The following TJP2 variants were observed in gnomAD, a reference collection of about 807,000 sequenced individuals.
TJP2 encodes the protein Friedreich ataxia region gene X104 (tight junction protein ZO-2).
Under a neutral mutation model 133.1 loss-of-function variants are expected in TJP2, and 91 were observed. The observed-to-expected ratio is 0.68, with a 90% CI of 0.58 to 0.81. The LOEUF (loss-of-function observed/expected upper bound fraction) is 0.81, where lower values mean the gene tolerates loss of function less well. TJP2 is among the 40% of genes least tolerant of loss of function. The pLI is 0.00. For synonymous variants in TJP2, 592 were observed against 583.4 expected (o/e 1.01, Z -0.21); for missense variants, 1,541 against 1,565.6 (o/e 0.98, Z 0.26).
intron 17 of TJP2, among the ~76,000 whole-genome samples, chr9:69,243,601 T>C (rs2486456): frequency 0.66 from 100,115 of 152,142 alleles, 32,974 homozygotes; most frequent in Admixed American, 0.69. Context: ...ATCTTCAAAG[T>C]ACTCAGTGCA....
At position 69,144,669 on chromosome 9, in the gene TJP2, C is replaced by G. The variant is rs150961773; in HGVS notation, c.-130-6982C>G. Among the ~76,000 whole-genome samples the G allele has an allele frequency of 3.3e-3, 505 of 152,336 alleles. 4 individuals are homozygous for G. Among genetic ancestry groups the G allele is most frequent in the African/African-American group, 0.011 (463 of 41,582 alleles). On this transcript the variant is annotated intron_variant, in intron 1 of 5. Transcript: ENST00000423935. ...ACAGTGGCCTCCGGCATAGCTGGAT[C>G]CAGAAGCTCGAGTGATGTCATGACA...
rs1220121754 is a variant in TJP2 at position 69,142,514 on chromosome 9, C to CA, written c.-130-9130dup. On this transcript the variant is annotated intron_variant, in intron 1 of 5. Coordinates refer to the TJP2 transcript ENST00000423935. ...TTCAGTAGAGCTAAAAAAGCAAAAA[C>CA]AAAAAAATTGCTGTTTCCCTAACTC... Among the ~76,000 whole-genome samples the CA allele has an allele frequency of 5.9e-5, 9 of 152,036 alleles. No homozygotes were observed. The East Asian group carries it at 1.4e-3, about 23-fold the overall frequency.
In TJP2 at chr9:69,216,325, T is replaced by G. The variant is rs1828374963; in HGVS notation, c.115-14T>G. 1 of 1,614,002 alleles carries G rather than the reference T, an allele frequency of 6.2e-7. No individual in the cohort carries two copies. The highest frequency in any genetic ancestry group is 1.3e-5 in the African/African-American group (1 of 74,936). Reference sequence around the variant, plus strand: ...ATTGAAGGATTTTTAATATTTCTCCTCTCTGATGTACAGGATTCCAAAAGA... The same window carrying G: ...ATTGAAGGATTTTTAATATTTCTCCGCTCTGATGTACAGGATTCCAAAAGA... On this transcript the variant is annotated splice_polypyrimidine_tract_variant and intron_variant, in intron 2 of 22. Coordinates refer to ENST00000377245, the MANE Select transcript of TJP2 (RefSeq NM_004817.4).
At chr9:69,146,751 C>T (rs1823230905) in intron 1 of TJP2, among the ~76,000 whole-genome samples, 1 of 151,796 alleles carries the variant, frequency 6.6e-6, no homozygotes, top group Admixed American at 6.6e-5. Context: ...GTTGTTATAG[C>T]CCAGGGGTTG....
At chr9:69,155,243 A>C (rs1039352125) in intron 2 of TJP2, among the ~76,000 whole-genome samples, 2 of 151,748 alleles carry the variant, frequency 1.3e-5, no homozygotes, top group Non-Finnish European at 2.9e-5. Context: ...AAAAAAAAAA[A>C]AAAAAAGGAA....
At chr9:69,223,069 G>GAAAAAAAAAAAAAAAAAAAAAAAAA (rs57114714) in intron 5 of TJP2, among the ~76,000 whole-genome samples, 1 of 114,084 alleles carries the variant, frequency 8.8e-6, no homozygotes. Context: ...ACTCTGTCTT[G>GAAAAAAAAAAAAAAAAAAAAAAAAA]AAAAAAAAAA....
At chr9:69,170,507 C>T (rs571295621), upstream of TJP2, among the ~76,000 whole-genome samples, 2 of 152,280 alleles carry the variant, frequency 1.3e-5, no homozygotes, top group South Asian at 4.1e-4. Flanking sequence ...TGGTTTCCAT[C>T]ATTCATTATT....
At position 69,182,394 on chromosome 9, in the gene TJP2, A is replaced by G. The variant is rs953544016; in HGVS notation, c.60+7962A>G. Among the ~76,000 whole-genome samples, 4 of 152,230 alleles carry G rather than the reference A, an allele frequency of 2.6e-5. No homozygotes were observed. The South Asian group carries it at 8.3e-4, about 32-fold the overall frequency. ...CCTAAAAACAAGGGCAAGTGGCAAC[A>G]CATTGAAATGAAGAAGCCCCAAGTT... is the stretch of plus-strand genomic sequence containing the variant. On this transcript the variant is annotated intron_variant, in intron 1 of 22. Coordinates refer to ENST00000377245, the MANE Select transcript of TJP2 (RefSeq NM_004817.4).
intron 4 of TJP2, among the ~76,000 whole-genome samples, chr9:69,220,434 C>T (rs1828729462): frequency 6.6e-6 from 1 of 152,204 alleles, no homozygotes; most frequent in African/African-American, 2.4e-5. Flanking sequence ...CAGTAGATTC[C>T]TGTAAGCTGT....
chr9:69,128,818 G>A (rs1033254636), intron 1 of TJP2, among the ~76,000 whole-genome samples: 17 of 152,146 alleles, frequency 1.1e-4, no homozygotes, highest in African/African-American at 3.6e-4. Context: ...GAGCCACTGC[G>A]CCTGGCTATT....
chr9:69,222,362 A>C (rs1329621204), intron 5 of TJP2, among the ~76,000 whole-genome samples: 1 of 144,464 alleles, frequency 6.9e-6, no homozygotes, highest in Non-Finnish European at 1.5e-5. Flanking sequence ...TTTTCAGTAG[A>C]GACAGGTTGG....
chr9:69,134,239 G>A (rs760768364), intron 1 of TJP2, among the ~76,000 whole-genome samples: 45 of 152,224 alleles, frequency 3.0e-4, no homozygotes, highest in Admixed American at 9.2e-4. Context: ...AACACCCAAC[G>A]TGAAATGGAT....
At chr9:69,199,968 G>A (rs948637306) in intron 1 of TJP2, among the ~76,000 whole-genome samples, 1 of 152,082 alleles carries the variant, frequency 6.6e-6, no homozygotes, top group Non-Finnish European at 1.5e-5. Flanking sequence ...TTTAGTACTG[G>A]GTGTGGTGCC....
intron 1 of TJP2, among the ~76,000 whole-genome samples, chr9:69,210,742 C>CTTTT (rs200516626): frequency 2.5e-5 from 3 of 117,854 alleles, no homozygotes; most frequent in African/African-American, 3.2e-5. Context: ...ATTTTGAGTT[C>CTTTT]TTTTTTTTTT....
At chr9:69,129,829 C>G (rs1468722830) in intron 1 of TJP2, among the ~76,000 whole-genome samples, 1 of 151,706 alleles carries the variant, frequency 6.6e-6, no homozygotes, top group African/African-American at 2.4e-5. Context: ...CCAGCCTGGC[C>G]AACATGGTGA....
At chr9:69,237,639 A>C (rs1434703845) in intron 14 of TJP2, among the ~76,000 whole-genome samples, 1 of 152,148 alleles carries the variant, frequency 6.6e-6, no homozygotes, top group African/African-American at 2.4e-5. Context: ...CAACATAGTG[A>C]GATCTTGTCT....
intron 17 of TJP2, among the ~76,000 whole-genome samples, chr9:69,240,741 G>A (rs140063295): frequency 2.9e-4 from 44 of 151,882 alleles, no homozygotes; most frequent in African/African-American, 1.1e-3. Flanking sequence ...ATTCAAAGCT[G>A]CAGTGAGCTG....
intron 1 of TJP2, chr9:69,204,774 A>G (rs1827266714): frequency 9.7e-7 from 1 of 1,026,238 alleles, no homozygotes; most frequent in South Asian, 4.0e-5. Flanking sequence ...TACTGTATAA[A>G]TACTTCTCTA....
chr9:69,248,544 T>G, intron 19 of TJP2: 1 of 1,250,960 alleles, frequency 8.0e-7, no homozygotes, highest in Non-Finnish European at 1.0e-6. Context: ...TGCAGTATTG[T>G]TGTATGTACT....
Sources: gnomAD v4.1 joint callset for allele counts (sites outside exome capture counted in the v4.1 genomes callset) on GRCh38, gnomAD v4.1.1 for gene constraint, MANE v1.5 for transcripts, NCBI Gene and HGNC (gene_info 2026-07-23, HGNC 2026-07-21) for gene names.